The following CDH18 variants were observed in gnomAD, a reference collection of about 807,000 sequenced individuals.
CDH18 encodes cadherin 18.
A neutral mutation model predicts 67.9 loss-of-function variants in CDH18; 31 were observed. The ratio of observed to expected loss-of-function variants is 0.46; its 90% CI spans 0.34 to 0.62. The LOEUF is 0.62. Ranked by LOEUF, CDH18 falls within the 20% of genes least tolerant of loss-of-function variation. The pLI is 0.01. For synonymous variants in CDH18, 362 were observed against 347.2 expected (o/e 1.04, Z -0.48); for missense variants, 890 against 975.5 (o/e 0.91, Z 1.17).
At chr5:20,337,241 C>T (rs946323563) in intron 1 of CDH18, among the ~76,000 whole-genome samples, 1 of 152,202 alleles carries the variant, frequency 6.6e-6, no homozygotes, top group Non-Finnish European at 1.5e-5. Flanking sequence ...TGGCTTGTTA[C>T]TTATACAAAT....
chr5:20,091,444 T>C (rs1431994275), intron 2 of CDH18, among the ~76,000 whole-genome samples: 2 of 152,050 alleles, frequency 1.3e-5, no homozygotes, highest in African/African-American at 4.8e-5. Flanking sequence ...CGAGCCATAA[T>C]TGGGCTCCAG....
intron 7 of CDH18, among the ~76,000 whole-genome samples, chr5:19,585,902 A>G (rs1744066607): frequency 6.6e-6 from 1 of 152,134 alleles, no homozygotes; most frequent in Non-Finnish European, 1.5e-5. Context: ...AATATATAAC[A>G]TGAGTAAGTG....
At chr5:20,547,195 GA>G (rs1400587844) in intron 1 of CDH18, among the ~76,000 whole-genome samples, 1 of 152,098 alleles carries the variant, frequency 6.6e-6, no homozygotes, top group African/African-American at 2.4e-5. Flanking sequence ...CTGCTAAAGG[GA>G]AAACAGTGAT....
intron 1 of CDH18, among the ~76,000 whole-genome samples, chr5:20,447,546 A>C (rs558425343): frequency 3.9e-4 from 60 of 152,294 alleles, no homozygotes; most frequent in African/African-American, 1.4e-3. Context: ...TATACTTCCC[A>C]GCTCTCAGAA....
chr5:20,172,248 A>ATATACG (rs1736893408), intron 2 of CDH18, among the ~76,000 whole-genome samples: 4 of 133,608 alleles, frequency 3.0e-5, no homozygotes, highest in African/African-American at 1.2e-4. Flanking sequence ...ATGTATATAT[A>ATATACG]TATATATATC....
intron 2 of CDH18, among the ~76,000 whole-genome samples, chr5:20,152,280 T>TTA (rs1010720780): frequency 3.4e-5 from 5 of 146,662 alleles, no homozygotes; most frequent in Admixed American, 6.9e-5. Context: ...AACTATATAA[T>TTA]TATATATATA....
chr5:19,606,710 T>C (rs2150086565), intron 6 of CDH18, among the ~76,000 whole-genome samples: 1 of 151,980 alleles, frequency 6.6e-6, no homozygotes, highest in East Asian at 1.9e-4. Flanking sequence ...CTGAAAGACC[T>C]AGCTGACATA....
intron 2 of CDH18, among the ~76,000 whole-genome samples, chr5:20,016,837 T>C (rs1018364211): frequency 2.6e-5 from 4 of 152,126 alleles, no homozygotes; most frequent in African/African-American, 9.7e-5. Flanking sequence ...GATCACGGCC[T>C]TGGGGTCAGG....
intron 3 of CDH18, among the ~76,000 whole-genome samples, chr5:19,759,637 G>A (rs1176054727): frequency 6.6e-6 from 1 of 152,144 alleles, no homozygotes; most frequent in East Asian, 1.9e-4. Context: ...GATGTCTTGT[G>A]TCCCTTGGAA....
intron 1 of CDH18, among the ~76,000 whole-genome samples, chr5:20,387,037 A>G (rs1744367842): frequency 6.6e-6 from 1 of 152,208 alleles, no homozygotes; most frequent in South Asian, 2.1e-4. Flanking sequence ...AGGGGTCAGC[A>G]AACTATTTAT....
chr5:19,896,898 G>C (rs1789402517), intron 2 of CDH18, among the ~76,000 whole-genome samples: 2 of 152,078 alleles, frequency 1.3e-5, no homozygotes, highest in South Asian at 4.1e-4. Context: ...GGATTTCTCT[G>C]TGTTACCTTA....
At chr5:20,412,582 T>C (rs1305218267) in intron 1 of CDH18, among the ~76,000 whole-genome samples, 2 of 152,186 alleles carry the variant, frequency 1.3e-5, no homozygotes, top group Non-Finnish European at 2.9e-5. Flanking sequence ...GGAAGAAATA[T>C]TTGATAACTA....
chr5:19,645,435 C>T (rs558279137), intron 5 of CDH18, among the ~76,000 whole-genome samples: 250 of 151,994 alleles, frequency 1.6e-3, no homozygotes, highest in Non-Finnish European at 2.8e-3. Flanking sequence ...GGTAAAGTAA[C>T]GGGAGAGCAG....
At chr5:19,903,531 G>A (rs987842752) in intron 2 of CDH18, among the ~76,000 whole-genome samples, 7 of 47,242 alleles carry the variant, frequency 1.5e-4, no homozygotes, top group Non-Finnish European at 3.3e-4. Flanking sequence ...TAATGACTCT[G>A]TGTGTGTGTG....
At chr5:20,322,805 T>C (rs1211474524) in intron 1 of CDH18, among the ~76,000 whole-genome samples, 2 of 152,180 alleles carry the variant, frequency 1.3e-5, no homozygotes, top group African/African-American at 4.8e-5. Context: ...TTTGAAATTA[T>C]TGTCTTCATA....
At chr5:19,793,843 T>C (rs2149822421) in intron 3 of CDH18, among the ~76,000 whole-genome samples, 1 of 152,166 alleles carries the variant, frequency 6.6e-6, no homozygotes, top group Admixed American at 6.6e-5. Context: ...AGAGGATTAA[T>C]CTCTATAGAT....
intron 1 of CDH18, among the ~76,000 whole-genome samples, chr5:20,555,946 T>A (rs1386460419): frequency 6.6e-6 from 1 of 152,132 alleles, no homozygotes; most frequent in Non-Finnish European, 1.5e-5. Context: ...AAACGGTTCT[T>A]CCCTTCTTTG....
chr5:19,833,567 A>T (rs949609405), intron 3 of CDH18, among the ~76,000 whole-genome samples: 1 of 152,114 alleles, frequency 6.6e-6, no homozygotes, highest in African/African-American at 2.4e-5. Flanking sequence ...TTTGAATAGG[A>T]GTGGTGAGAG....
intron 2 of CDH18, among the ~76,000 whole-genome samples, chr5:19,843,434 G>A (rs1335455300): frequency 6.6e-6 from 1 of 152,222 alleles, no homozygotes; most frequent in Admixed American, 6.5e-5. Flanking sequence ...GTGAAGAATT[G>A]AGGTTTGGGA....
Sources: gnomAD v4.1 joint callset for allele counts (sites outside exome capture counted in the v4.1 genomes callset) on GRCh38, gnomAD v4.1.1 for gene constraint, MANE v1.5 for transcripts, NCBI Gene and HGNC (gene_info 2026-07-23, HGNC 2026-07-21) for gene names.